The following BTD variants were observed in gnomAD, a reference collection of about 807,000 sequenced individuals.
BTD encodes the protein biotinidase, also known as biocytinase.
Under a neutral mutation model 17.7 loss-of-function variants are expected in BTD, and 13 were observed. The ratio of observed to expected loss-of-function variants is 0.74; its 90% CI spans 0.48 to 1.17. BTD has a LOEUF of 1.17. Ranked by LOEUF, BTD falls within the 50% of genes most tolerant of loss-of-function variation. The probability of loss-of-function intolerance (pLI) is 0.00; values close to 1 mark genes in which losing one functional copy is unlikely to be tolerated. For missense variants in BTD, 674 were observed against 650.4 expected (o/e 1.04, Z -0.39); for synonymous variants, 240 against 245.2 (o/e 0.98, Z 0.20).
intron 1 of BTD, among the ~76,000 whole-genome samples, chr3:15,615,299 T>G (rs954972047): frequency 6.6e-6 from 1 of 152,236 alleles, no homozygotes; most frequent in Non-Finnish European, 1.5e-5. Context: ...GTTATGACTT[T>G]CAAGGAGTAC....
chr3:15,708,120 C>A, intron 3 of BTD: 5 of 1,538,780 alleles, frequency 3.2e-6, no homozygotes, highest in Non-Finnish European at 4.4e-6. Context: ...AACTAGTAAA[C>A]AAAAGCATAG....
intron 1 of BTD, chr3:15,630,015 C>T (rs910247378): frequency 4.1e-6 from 4 of 984,988 alleles, no homozygotes; most frequent in East Asian, 1.1e-4. Flanking sequence ...GATTTCCCCA[C>T]GCAGACGCTG....
At chr3:15,709,518 G>C (rs1263738117) in intron 3 of BTD, 1 of 511,060 alleles carries the variant, frequency 2.0e-6, no homozygotes, top group Non-Finnish European at 3.4e-6. Context: ...CGAATATTTG[G>C]AAGTTACTGA....
Position 15,619,766 on chromosome 3 carries a change from A to G in BTD, c.-16-15658A>G, listed in dbSNP as rs139314289. Reference sequence around the variant, plus strand: ...TATTTCAACGTAAGTTCTATTTTCCATAAGTGTCAGCTGGCTGAGAAATAA... The same window carrying G: ...TATTTCAACGTAAGTTCTATTTTCCGTAAGTGTCAGCTGGCTGAGAAATAA... On this transcript the variant is annotated intron_variant, in intron 1 of 3. Transcript: ENST00000643237. Among the ~76,000 whole-genome samples, 735 of 152,356 alleles carry G rather than the reference A, an allele frequency of 4.8e-3. 1 individual carries two copies. Among genetic ancestry groups the G allele is most frequent in the Non-Finnish European group, 7.4e-3 (504 of 68,034 alleles).
At chr3:15,619,613 G>A (rs1034339916) in intron 1 of BTD, among the ~76,000 whole-genome samples, 4 of 152,126 alleles carry the variant, frequency 2.6e-5, no homozygotes, top group African/African-American at 9.7e-5. Flanking sequence ...GAAAGTAATG[G>A]CAAATGACTT....
intron 3 of BTD, among the ~76,000 whole-genome samples, chr3:15,659,304 G>C (rs1049019264): frequency 9.9e-5 from 15 of 151,692 alleles, no homozygotes; most frequent in Admixed American, 3.9e-4. Flanking sequence ...GACTGAGTGT[G>C]GGGGGGATAA....
downstream of BTD, among the ~76,000 whole-genome samples, chr3:15,655,026 C>A (rs958152865): frequency 6.6e-6 from 1 of 152,220 alleles, no homozygotes; most frequent in Admixed American, 6.5e-5. Flanking sequence ...AGCCACCGCG[C>A]CCGGCCTGCA....
At chr3:15,665,462 A>G (rs1481899150) in intron 3 of BTD, among the ~76,000 whole-genome samples, 1 of 152,242 alleles carries the variant, frequency 6.6e-6, no homozygotes, top group Non-Finnish European at 1.5e-5. Flanking sequence ...ACTGCCAAGC[A>G]AGAACTTTCC....
intron 3 of BTD, among the ~76,000 whole-genome samples, chr3:15,706,288 T>G (rs1364632971): frequency 2.6e-5 from 4 of 151,066 alleles, no homozygotes; most frequent in Non-Finnish European, 5.9e-5. Context: ...CCCCTTCCTG[T>G]GTCCAAGTGT....
chr3:15,629,864 A>G (rs1442130869), intron 1 of BTD: 5 of 189,050 alleles, frequency 2.6e-5, no homozygotes, highest in East Asian at 3.7e-4. Context: ...TTCCCTCACC[A>G]TGAAGATGGA....
At chr3:15,642,683 C>T (rs1001012583) in intron 3 of BTD, among the ~76,000 whole-genome samples, 3 of 151,922 alleles carry the variant, frequency 2.0e-5, no homozygotes, top group African/African-American at 7.3e-5. Flanking sequence ...AGGATGGTCT[C>T]GATCTCCTGA....
intron 1 of BTD, among the ~76,000 whole-genome samples, chr3:15,630,556 C>T (rs2065180428): frequency 6.6e-6 from 1 of 152,198 alleles, no homozygotes; most frequent in Non-Finnish European, 1.5e-5. Context: ...ATGTCAAGAT[C>T]CTTTGATTGC....
intron 3 of BTD, among the ~76,000 whole-genome samples, chr3:15,659,609 TAACA>T (rs1166671971): frequency 6.6e-6 from 1 of 152,244 alleles, no homozygotes; most frequent in Non-Finnish European, 1.5e-5. Context: ...GGACCCAGAC[TAACA>T]GAGTTAATAT....
chr3:15,621,399 C>G (rs2455827), intron 1 of BTD, among the ~76,000 whole-genome samples: 77,059 of 152,066 alleles, frequency 0.51, 22,725 homozygotes, highest in African/African-American at 0.81. Flanking sequence ...TTCTGGAAGA[C>G]ATAGTAGAGA....
chr3:15,713,890 A>G (rs1178497329), downstream of BTD, among the ~76,000 whole-genome samples: 1 of 152,202 alleles, frequency 6.6e-6, no homozygotes, highest in Non-Finnish European at 1.5e-5. Flanking sequence ...CTGGGGTCCA[A>G]TAAGTTTGGA....
intron 1 of BTD, among the ~76,000 whole-genome samples, chr3:15,623,397 A>G (rs2064997310): frequency 6.6e-6 from 1 of 152,208 alleles, no homozygotes; most frequent in South Asian, 2.1e-4. Flanking sequence ...ATTGACTTTT[A>G]AAGTGATTAT....
rs572063576 is a variant in BTD, at chr3:15,650,343, T to C, written c.*4855T>C. On this transcript the variant is annotated 3_prime_UTR_variant, in exon 4 of 4. Transcript: ENST00000643237. ...CGTTAAAAATGAAATTACCAATATATGAACTCTAGGCATCATGCATATATA... is the reference window on the plus strand; with the variant it reads ...CGTTAAAAATGAAATTACCAATATACGAACTCTAGGCATCATGCATATATA... Among the ~76,000 whole-genome samples the C allele has an allele frequency of 3.9e-5, 6 of 152,334 alleles. No individual in the cohort carries two copies. The highest frequency in any genetic ancestry group is 1.9e-4 in the East Asian group (1 of 5,190).
chr3:15,657,270 C>T (rs1435735021), downstream of BTD, among the ~76,000 whole-genome samples: 2 of 152,112 alleles, frequency 1.3e-5, no homozygotes, highest in Non-Finnish European at 2.9e-5. Flanking sequence ...AATACAGAGC[C>T]CACTCATCAG....
chr3:15,701,935 G>T (rs192965005), intron 3 of BTD, among the ~76,000 whole-genome samples: 1 of 151,942 alleles, frequency 6.6e-6, no homozygotes, highest in Non-Finnish European at 1.5e-5. Context: ...TTACCCAAGG[G>T]CATTTAAAAA....
Sources: gnomAD v4.1 joint callset for allele counts (sites outside exome capture counted in the v4.1 genomes callset) on GRCh38, gnomAD v4.1.1 for gene constraint, MANE v1.5 for transcripts, NCBI Gene and HGNC (gene_info 2026-07-23, HGNC 2026-07-21) for gene names.